The following RTN4 variants were observed in gnomAD, a reference collection of about 807,000 sequenced individuals.
RTN4 encodes reticulon-4.
RTN4 carries 32 observed loss-of-function variants against 90.4 expected under a neutral mutation model. That is an observed-to-expected ratio of 0.35 (90% CI 0.27 to 0.48). The LOEUF (loss-of-function observed/expected upper bound fraction) is 0.48, where lower values mean the gene tolerates loss of function less well. Ranked by LOEUF, RTN4 falls within the 20% of genes least tolerant of loss-of-function variation. RTN4 has a pLI of 0.99. For synonymous variants in RTN4, 629 were observed against 552.5 expected, an observed-to-expected ratio of 1.14 and a Z score of -1.94; for missense variants, 1,706 against 1,430.2, an observed-to-expected ratio of 1.19 and a Z score of -3.11.
At position 55,049,972 on chromosome 2, in the gene RTN4, G is replaced by A; in HGVS notation, c.329C>T (p.Pro110Leu). 6 of 1,370,358 alleles carry A rather than the reference G, an allele frequency of 4.4e-6. No individual in the cohort carries two copies. The highest frequency in any genetic ancestry group is 4.7e-6 in the Non-Finnish European group (5 of 1,069,834). The allele number at this position is 1,370,358 out of a possible 1,614,324, so 84.9% of individuals were successfully genotyped here. The part of the protein sequence containing the change: ...VAPERQPSWD[P>L]SPVSSTVPAP... ...GGGCACGGTCGACGACACCGGGCTCGGGTCCCAAGACGGCTGCCGCTCCGG... is the reference window on the plus strand; with the variant it reads ...GGGCACGGTCGACGACACCGGGCTCAGGTCCCAAGACGGCTGCCGCTCCGG... The change falls in exon 1 of 9, where the codon CCG (proline) becomes CTG (leucine). Residue 110 changes from proline to leucine, a missense_variant. Pro to Leu is a moderately conservative substitution (Grantham distance 98). Coordinates refer to ENST00000337526, the MANE Select transcript of RTN4 (RefSeq NM_020532.5).
intron 3 of RTN4, among the ~76,000 whole-genome samples, chr2:55,022,902 C>CACACACAA (rs1385767828): frequency 6.6e-6 from 1 of 151,106 alleles, no homozygotes; most frequent in Non-Finnish European, 1.5e-5. Flanking sequence ...ATCCAACACA[C>CACACACAA]ACACACACAC....
At chr2:55,116,900 G>C (rs1421726559), upstream of RTN4, among the ~76,000 whole-genome samples, 1 of 129,414 alleles carries the variant, frequency 7.7e-6, no homozygotes, top group Non-Finnish European at 1.6e-5. Context: ...TTGAGATGGA[G>C]TCTTGCTCTG....
chr2:55,074,528 A>AG (rs1177798337), intron 2 of RTN4, among the ~76,000 whole-genome samples: 190 of 151,806 alleles, frequency 1.3e-3, no homozygotes, highest in African/African-American at 4.5e-3. Context: ...AAAAAAAAAA[A>AG]AAAAAAAAGA....
intron 3 of RTN4, among the ~76,000 whole-genome samples, chr2:55,008,242 AG>A (rs952116426): frequency 2.0e-5 from 3 of 151,750 alleles, no homozygotes; most frequent in African/African-American, 7.3e-5. Flanking sequence ...ACTGGTGGTC[AG>A]GGGGAGAATG....
At chr2:54,979,203 C>A (rs1485299760) in intron 5 of RTN4, among the ~76,000 whole-genome samples, 1 of 149,626 alleles carries the variant, frequency 6.7e-6, no homozygotes, top group Non-Finnish European at 1.5e-5. Flanking sequence ...CAGGCATGGG[C>A]GACCATGGCT....
chr2:54,982,840 C>G (rs1368528600), intron 4 of RTN4, among the ~76,000 whole-genome samples, 187 bp from the exon 5 acceptor site: 1 of 152,192 alleles, frequency 6.6e-6, no homozygotes, highest in Non-Finnish European at 1.5e-5. Flanking sequence ...TGTCTGCTGA[C>G]TAGCACAGAA....
chr2:55,082,611 G>A (rs936097309), intron 1 of RTN4, among the ~76,000 whole-genome samples: 1 of 152,134 alleles, frequency 6.6e-6, no homozygotes, highest in Non-Finnish European at 1.5e-5. Flanking sequence ...CAAAGCTCAA[G>A]AAAGCAAATA....
Position 55,057,496 on chromosome 2 carries a change from T to C in RTN4, c.-63+22993A>G, listed in dbSNP as rs552332277. ...TTGGGTACTCAATCAATAGTAATTA[T>C]TATTATTATTGCTACTATTAGAGCA... On this transcript the variant is annotated intron_variant, in intron 2 of 3. Transcript: ENST00000427710. Among the ~76,000 whole-genome samples the C allele has an allele frequency of 2.0e-5, 3 of 152,306 alleles. No individual in the cohort carries two copies. In the South Asian group the frequency reaches 6.2e-4, roughly 32 times the overall value.
intron 5 of RTN4, among the ~76,000 whole-genome samples, chr2:54,978,905 A>G (rs1416719882): frequency 6.6e-6 from 1 of 152,224 alleles, no homozygotes; most frequent in Non-Finnish European, 1.5e-5. Context: ...CCTTATGTTG[A>G]AAAAGTAAAA....
At chr2:54,976,565 T>C (rs922328667) in intron 5 of RTN4, among the ~76,000 whole-genome samples, 1 of 152,198 alleles carries the variant, frequency 6.6e-6, no homozygotes, top group African/African-American at 2.4e-5. Context: ...TTTTGTGTGC[T>C]ATCATATAAT....
At position 55,007,563 on chromosome 2, in the gene RTN4, T is replaced by C. The variant is rs191950174; in HGVS notation, c.3013+17523A>G. Among the ~76,000 whole-genome samples, 256 of 152,294 alleles carry C rather than the reference T, an allele frequency of 1.7e-3. 1 individual carries two copies. The highest frequency in any genetic ancestry group is 1.4e-3 in the Non-Finnish European group (94 of 68,004). ...AACCAAAAAGGTAAGTTTCTTATTC[T>C]AGCCAAAATCAAAATATACCAGAAC... On this transcript the variant is annotated intron_variant, in intron 3 of 8. Transcript: ENST00000337526.
At chr2:55,132,749 G>A in the RTN4 span, among the ~76,000 whole-genome samples, 151 of 148,464 alleles carry the variant, frequency 1.0e-3, 6 homozygotes, top group Non-Finnish European at 1.5e-4. Flanking sequence ...GGGAGGTGGA[G>A]GCTACAGTGA....
intron 1 of RTN4, among the ~76,000 whole-genome samples, chr2:55,097,360 G>C (rs1269270248): frequency 6.6e-6 from 1 of 151,964 alleles, no homozygotes; most frequent in Non-Finnish European, 1.5e-5. Flanking sequence ...GAATTTCTGG[G>C]GTTGGGGGGA....
intron 2 of RTN4, among the ~76,000 whole-genome samples, chr2:55,077,327 A>G (rs778737785): frequency 1.3e-5 from 2 of 152,292 alleles, no homozygotes; most frequent in Non-Finnish European, 2.9e-5. Flanking sequence ...GCAGTTCTCT[A>G]TAGCAGCATG....
At chr2:55,019,577 G>A (rs1681281933) in intron 3 of RTN4, among the ~76,000 whole-genome samples, 1 of 152,114 alleles carries the variant, frequency 6.6e-6, no homozygotes, top group South Asian at 2.1e-4. Context: ...TGAACCCATA[G>A]CCTCAAATTA....
intron 3 of RTN4, among the ~76,000 whole-genome samples, 162 bp downstream of exon 3, chr2:55,024,924 T>C (rs552384391): frequency 1.3e-5 from 2 of 152,306 alleles, no homozygotes; most frequent in East Asian, 1.9e-4. Context: ...GCAAGAGAGT[T>C]AGAAAAAGCA....
At chr2:55,078,664 T>G (rs1201888298) in intron 2 of RTN4, among the ~76,000 whole-genome samples, 1 of 152,238 alleles carries the variant, frequency 6.6e-6, no homozygotes, top group South Asian at 2.1e-4. Context: ...AAATTAACTC[T>G]ACTTTCAAAA....
intron 1 of RTN4, among the ~76,000 whole-genome samples, chr2:55,039,881 A>T (rs113910132): frequency 3.1e-4 from 47 of 152,352 alleles, no homozygotes; most frequent in African/African-American, 9.6e-4. Flanking sequence ...CTCTTTTAGT[A>T]TTCCATTAAA....
intron 1 of RTN4, chr2:55,080,722 T>A (rs1035422638): frequency 7.2e-5 from 11 of 152,236 alleles, no homozygotes; most frequent in Non-Finnish European, 1.5e-4. Context: ...TTTTACAATA[T>A]TCTCCCCTTC....
Sources: gnomAD v4.1 joint callset for allele counts (sites outside exome capture counted in the v4.1 genomes callset) on GRCh38, gnomAD v4.1.1 for gene constraint, MANE v1.5 for transcripts, NCBI Gene and HGNC (gene_info 2026-07-23, HGNC 2026-07-21) for gene names.